PLXND1: variants seen among roughly 807,000 people sequenced by gnomAD.
PLXND1 encodes the protein plexin-D1.
A neutral mutation model predicts 197.7 loss-of-function variants in PLXND1; 54 were observed. The observed-to-expected ratio is 0.27, with a 90% CI of 0.22 to 0.34. The LOEUF (loss-of-function observed/expected upper bound fraction) is 0.34, where lower values mean the gene tolerates loss of function less well. PLXND1 is among the 10% of genes least tolerant of loss of function. The pLI is 1.00. For missense variants in PLXND1, 2,127 were observed against 2,699.2 expected, an observed-to-expected ratio of 0.79 and a Z score of 4.70; for synonymous variants, 1,180 against 1,161.2, an observed-to-expected ratio of 1.02 and a Z score of -0.33.
intron 1 of PLXND1, among the ~76,000 whole-genome samples, chr3:129,594,097 G>A (rs2108799579): frequency 6.6e-6 from 1 of 152,356 alleles, no homozygotes; most frequent in African/African-American, 2.4e-5. Context: ...AAAGGATGCG[G>A]CATTAACAGT....
At position 129,556,119 on chromosome 3, in the gene PLXND1, G is replaced by A. The variant is rs2084969174; in HGVS notation, c.*193C>T. 10 of 576,194 alleles carry A rather than the reference G, an allele frequency of 1.7e-5. No homozygotes were observed. The highest frequency in any genetic ancestry group is 3.1e-5 in the Non-Finnish European group (10 of 321,056). The allele number at this position is 576,194 out of a possible 1,614,324, so 35.7% of individuals were successfully genotyped here. A position where few individuals can be genotyped will look rare whatever the true frequency, so the allele number is the denominator to read the frequency against. On this transcript the variant is annotated 3_prime_UTR_variant, in exon 36 of 36. Coordinates refer to ENST00000324093, the MANE Select transcript of PLXND1 (RefSeq NM_015103.3). ...GAGACTGATCTGGGGACAGGTGGGA[G>A]GGGATGGAGGTGCCCAGGGGTCAAG...
At chr3:129,566,682 G>T in intron 22 of PLXND1, 51 bp from the exon 23 acceptor site, 2 of 1,131,722 alleles carry the variant, frequency 1.8e-6, no homozygotes, top group Non-Finnish European at 2.6e-6. Flanking sequence ...CCCCCTGCTG[G>T]CATGGAAAGG....
At chr3:129,597,878 T>C (rs1019135262) in intron 1 of PLXND1, among the ~76,000 whole-genome samples, 1 of 152,194 alleles carries the variant, frequency 6.6e-6, no homozygotes, top group Non-Finnish European at 1.5e-5. Flanking sequence ...AACCGGCTGG[T>C]TTCCATGGCA....
chr3:129,567,920 C>T lies in PLXND1; in HGVS notation c.3866-115G>A. The T allele has an allele frequency of 7.1e-6, 4 of 561,536 alleles. No individual in the cohort carries two copies. In the South Asian group the frequency reaches 9.9e-5, roughly 14 times the overall value. The allele number at this position is 561,536 out of a possible 1,614,324, so 34.8% of individuals were successfully genotyped here. A position where few individuals can be genotyped will look rare whatever the true frequency, so the allele number is the denominator to read the frequency against. On this transcript the variant is annotated intron_variant, in intron 20 of 35. Coordinates refer to ENST00000324093, the MANE Select transcript of PLXND1 (RefSeq NM_015103.3). ...CCTCTGGGCAGGGTGTGGGAGGAGG[C>T]CCTGCAGTCCTCCCTCCTGGGCAGG...
intron 8 of PLXND1, among the ~76,000 whole-genome samples, chr3:129,579,137 T>G (rs772836983): frequency 5.3e-5 from 8 of 150,800 alleles, no homozygotes; most frequent in Non-Finnish European, 8.9e-5. Flanking sequence ...GCAGAGCAGC[T>G]GCTTCATGGA....
Position 129,585,980 on chromosome 3 carries a change from G to T in PLXND1, c.1823C>A (p.Ser608Tyr). 6.2e-7 allele frequency: 1 copy of T among 1,614,088 alleles called. No homozygotes were observed. The change falls in exon 5 of 36, where the codon TCC becomes TAC. Residue 608 changes from serine to tyrosine, a missense_variant. Physicochemically the swap from Ser to Tyr is moderately radical, Grantham distance 144 (BLOSUM62 -2). Coordinates refer to ENST00000324093, the MANE Select transcript of PLXND1 (RefSeq NM_015103.3). Reference sequence around the variant, plus strand: ...GTACTCCTGGCGCACATCGATCTCGGAAGGCAGGACGGTCATGGCAGGACA... The same window carrying T: ...GTACTCCTGGCGCACATCGATCTCGTAAGGCAGGACGGTCATGGCAGGACA... ...SRCPAMTVLP[S>Y]EIDVRQEYPG... is the part of the protein sequence containing the mutation.
chr3:129,589,307 G>GCCGGGGGGCCCCCCC, intron 2 of PLXND1, 44 bp downstream of exon 2: 2 of 684,692 alleles, frequency 2.9e-6, no homozygotes, highest in Non-Finnish European at 2.6e-6. Context: ...TCCCAGGGGA[G>GCCGGGGGGCCCCCCC]CCTCCCACCC....
rs569514145 is a variant in PLXND1, at chr3:129,556,011, C to T, written c.*301G>A. On this transcript the variant is annotated 3_prime_UTR_variant, in exon 36 of 36. Transcript: ENST00000324093. ...GCTCTTGGCAGCAGGACCAACTGGA[C>T]GTTGTGGAGCAAGTGGGTGGGCACA... 2.0e-5 allele frequency: 7 copies of T among 351,092 alleles called. No individual in the cohort carries two copies. The highest frequency in any genetic ancestry group is 7.5e-5 in the South Asian group (2 of 26,568). The allele number at this position is 351,092 out of a possible 1,614,324, so 21.7% of individuals were successfully genotyped here. A position where few individuals can be genotyped will look rare whatever the true frequency, so the allele number is the denominator to read the frequency against.
intron 8 of PLXND1, among the ~76,000 whole-genome samples, chr3:129,580,884 T>A (rs969897606): frequency 2.0e-5 from 3 of 151,258 alleles, no homozygotes; most frequent in African/African-American, 4.9e-5. Flanking sequence ...CTCTCTCCAC[T>A]GGCCCGTAGT....
chr3:129,566,726 G>C lies in PLXND1; in HGVS notation c.4087-95C>G, dbSNP rs986086187. ...ACAGAAAGGGGCACTGGCTTGGGCT[G>C]CTGGGGGAAACTGGCACGGAATTAG... On this transcript the variant is annotated intron_variant, in intron 22 of 35. Coordinates refer to ENST00000324093, the MANE Select transcript of PLXND1 (RefSeq NM_015103.3). 6 of 722,712 alleles carry C rather than the reference G, an allele frequency of 8.3e-6. No individual in the cohort carries two copies. In the African/African-American group the frequency reaches 8.9e-5, roughly 11 times the overall value. 44.8% of individuals were successfully genotyped at this position (722,712 alleles called of 1,614,324 possible).
intron 15 of PLXND1, among the ~76,000 whole-genome samples, chr3:129,572,049 G>T (rs901653570): frequency 6.6e-6 from 1 of 152,084 alleles, no homozygotes; most frequent in African/African-American, 2.4e-5. Flanking sequence ...CCTCCAGGAA[G>T]CCTTCCCAGG....
At position 129,605,539 on chromosome 3, in the gene PLXND1, C is replaced by A; in HGVS notation, c.1101G>T (p.Arg367=). 1 of 1,526,392 alleles carries A rather than the reference C, an allele frequency of 6.6e-7. No individual in the cohort carries two copies. The allele number at this position is 1,526,392 out of a possible 1,614,324, so 94.6% of individuals were successfully genotyped here. Residue 367 remains arginine, a synonymous_variant, in exon 1 of 36, where the codon CGG becomes CGT. Transcript: ENST00000324093. ...RLVSVFPARE[R]LFAVFERPQG... ...GGGGCCGCTCGAAGACAGCAAAGAG[C>A]CGCTCCCGGGCTGGGAAGACCGACA... is the stretch of plus-strand genomic sequence containing the variant.
chr3:129,604,193 A>C (rs1274291807), intron 1 of PLXND1, among the ~76,000 whole-genome samples: 1 of 151,470 alleles, frequency 6.6e-6, no homozygotes. Flanking sequence ...ACTCCTCCTC[A>C]TTCCCCACTG....
chr3:129,573,158 C>T (rs370338264), intron 13 of PLXND1, among the ~76,000 whole-genome samples: 5 of 152,140 alleles, frequency 3.3e-5, no homozygotes, highest in Non-Finnish European at 5.9e-5. Flanking sequence ...TGGTAGATGA[C>T]GGCTCTTCCA....
Position 129,563,254 on chromosome 3 carries a change from G to T in PLXND1, c.4522-14C>A. ...CCCCACCGTCTCCTGAGGGGCACGG[G>T]GGTATCAGGGCCAAGGCCCCCTCTG... On this transcript the variant is annotated splice_polypyrimidine_tract_variant and intron_variant, in intron 25 of 35. Transcript: ENST00000324093. 1 of 1,601,392 alleles carries T rather than the reference G, an allele frequency of 6.2e-7. No individual in the cohort carries two copies.
intron 20 of PLXND1, among the ~76,000 whole-genome samples, chr3:129,568,753 T>A (rs898577480): frequency 3.9e-5 from 6 of 152,232 alleles, no homozygotes; most frequent in African/African-American, 1.4e-4. Flanking sequence ...TTTGCCATGT[T>A]GCCCAAGCTG....
In PLXND1 at chr3:129,560,388, T is replaced by G; in HGVS notation, c.5075A>C (p.Gln1692Pro). 2.5e-6 allele frequency: 4 copies of G among 1,614,090 alleles called. No individual in the cohort carries two copies. Among genetic ancestry groups the G allele is most frequent in the Non-Finnish European group, 3.4e-6 (4 of 1,179,936 alleles). ...CGGGAGCACCTTCTTGCGATGGCTC[T>G]GCCGGTGAGACTTCTTGGGCTCCGC... ...ELAEPKKSHR[Q>P]SHRKKVLPEI... Residue 1692 changes from glutamine to proline, a missense_variant, in exon 31 of 36, where the codon CAG (glutamine) becomes CCG (proline). By Grantham distance (76) the Gln-to-Pro change is moderately conservative. Around this residue, in one of 6 missense-constraint regions of PLXND1, gnomAD observed 53 missense variants for 41.4 expected, o/e 1.28. Transcript: ENST00000324093.
rs2085047401 is a variant in PLXND1, at chr3:129,560,841, A to G, written c.4994-118T>C. The G allele has an allele frequency of 8.2e-6, 6 of 732,324 alleles. No homozygotes were observed. The Admixed American group carries it at 1.2e-4, about 15-fold the overall frequency. 45.4% of individuals were successfully genotyped at this position (732,324 alleles called of 1,614,324 possible). A position where few individuals can be genotyped will look rare whatever the true frequency, so the allele number is the denominator to read the frequency against. The stretch of plus-strand genomic sequence containing the variant: ...GACAGAAAGATGGGGAGAGAAACAG[A>G]AGCAGAGACAGAAAGATGGAGAGAG... On this transcript the variant is annotated intron_variant, in intron 29 of 35. Coordinates refer to ENST00000324093, the MANE Select transcript of PLXND1 (RefSeq NM_015103.3).
At chr3:129,583,426 G>A in intron 8 of PLXND1, 141 bp downstream of exon 8, 1 of 615,890 alleles carries the variant, frequency 1.6e-6, no homozygotes, top group Non-Finnish European at 2.9e-6. Flanking sequence ...AACGCACCGT[G>A]GTATGTGATG....
Sources: gnomAD v4.1 joint callset for allele counts (sites outside exome capture counted in the v4.1 genomes callset) on GRCh38, gnomAD v4.1.1 for gene constraint, gnomAD v4.1.1 regional missense constraint, MANE v1.5 for transcripts, NCBI Gene and HGNC (gene_info 2026-07-23, HGNC 2026-07-21) for gene names.